The following PALLD variants were observed in gnomAD, a reference collection of about 807,000 sequenced individuals.
PALLD encodes palladin, cytoskeletal associated protein, also known as palladin.
Under a neutral mutation model 123.5 loss-of-function variants are expected in PALLD, and 61 were observed. The observed-to-expected ratio is 0.49, with a 90% CI of 0.40 to 0.61. The LOEUF (loss-of-function observed/expected upper bound fraction) is 0.61, where lower values mean the gene tolerates loss of function less well. PALLD is among the 20% of genes least tolerant of loss of function. The pLI is 0.00. For missense variants in PALLD, 1,273 were observed against 1,377.0 expected, an observed-to-expected ratio of 0.92 and a Z score of 1.20; for synonymous variants, 465 against 496.4, an observed-to-expected ratio of 0.94 and a Z score of 0.84.
chr4:168,880,918 C>CT (rs1752522846), intron 10 of PALLD, among the ~76,000 whole-genome samples: 1 of 151,852 alleles, frequency 6.6e-6, no homozygotes, highest in South Asian at 2.1e-4. Context: ...CTTTTCTTTT[C>CT]TTTTTTTCTG....
chr4:168,606,591 T>G (rs1773196801), intron 2 of PALLD, among the ~76,000 whole-genome samples: 3 of 150,534 alleles, frequency 2.0e-5, no homozygotes, highest in Non-Finnish European at 4.4e-5. Flanking sequence ...GGAGAATGGC[T>G]TGAACCTGGG....
chr4:168,670,016 A>T (rs6851666), intron 3 of PALLD, among the ~76,000 whole-genome samples: 7,032 of 152,250 alleles, frequency 0.046, 178 homozygotes, highest in East Asian at 0.066. Context: ...ATGAAAAATG[A>T]ATGATAAAAA....
chr4:168,772,971 G>A, intron 10 of PALLD, among the ~76,000 whole-genome samples: 1 of 152,162 alleles, frequency 6.6e-6, no homozygotes, highest in East Asian at 1.9e-4. Flanking sequence ...TCACTGGCTG[G>A]ACGTTTAATG....
intron 10 of PALLD, among the ~76,000 whole-genome samples, chr4:168,810,393 G>A (rs1449238183): frequency 1.3e-5 from 2 of 152,166 alleles, no homozygotes; most frequent in Non-Finnish European, 2.9e-5. Flanking sequence ...GGTGGCTCAT[G>A]CCTGTAATCC....
chr4:168,675,619 T>C (rs983118381), intron 3 of PALLD, among the ~76,000 whole-genome samples: 6 of 152,238 alleles, frequency 3.9e-5, no homozygotes, highest in Non-Finnish European at 7.3e-5. Context: ...TTTCTTCATC[T>C]GGAGAAAATC....
At chr4:168,586,328 C>G (rs921100748) in intron 2 of PALLD, among the ~76,000 whole-genome samples, 6 of 152,126 alleles carry the variant, frequency 3.9e-5, no homozygotes, top group Non-Finnish European at 8.8e-5. Flanking sequence ...CAACTCCCTT[C>G]TTAAGAATAT....
intron 10 of PALLD, among the ~76,000 whole-genome samples, chr4:168,794,265 G>T (rs980951036): frequency 5.9e-5 from 9 of 152,114 alleles, no homozygotes; most frequent in African/African-American, 2.2e-4. Context: ...CTGTCCTCGG[G>T]CAGTGAGAGT....
At chr4:168,887,481 A>G (rs1233805421) in intron 10 of PALLD, among the ~76,000 whole-genome samples, 16 of 152,208 alleles carry the variant, frequency 1.1e-4, no homozygotes, top group Admixed American at 1.0e-3. Flanking sequence ...CTGAGAACAC[A>G]GCTCTTAGTG....
chr4:168,869,003 C>T lies in PALLD; in HGVS notation c.1965-21919C>T, dbSNP rs1335538860. ...GGAAAATGGGCACTGGTACAGGCTG[C>T]CACTGCCTGGAACATGATGGAGCGC... On this transcript the variant is annotated intron_variant, in intron 10 of 21. Coordinates refer to ENST00000505667, the MANE Select transcript of PALLD (RefSeq NM_001166108.2). The surrounding 1 kb of genome is among the most constrained non-coding windows in gnomAD (Gnocchi z 4.5). 6.6e-6 allele frequency among the ~76,000 whole-genome samples: 1 copy of T among 152,130 alleles called. No homozygotes were observed. Among genetic ancestry groups the T allele is most frequent in the African/African-American group, 2.4e-5 (1 of 41,430 alleles).
At chr4:168,600,030 C>CGCACAT (rs1554048295) in intron 2 of PALLD, among the ~76,000 whole-genome samples, 2 of 144,824 alleles carry the variant, frequency 1.4e-5, no homozygotes, top group Admixed American at 6.8e-5. Context: ...TGTACACACA[C>CGCACAT]ATACATACAT....
intron 10 of PALLD, among the ~76,000 whole-genome samples, chr4:168,812,400 C>T (rs1446462308): frequency 3.3e-5 from 5 of 152,160 alleles, no homozygotes; most frequent in Non-Finnish European, 7.4e-5. Context: ...AAACATCTCC[C>T]TTGGGCCTCT....
chr4:168,633,548 A>T (rs994826248), intron 2 of PALLD, among the ~76,000 whole-genome samples: 1 of 152,118 alleles, frequency 6.6e-6, no homozygotes, highest in African/African-American at 2.4e-5. Flanking sequence ...CAGTGTTTAC[A>T]TTTGTTGTTT....
intron 2 of PALLD, among the ~76,000 whole-genome samples, chr4:168,632,818 AG>A (rs1775967006): frequency 2.0e-5 from 3 of 152,340 alleles, no homozygotes; most frequent in African/African-American, 7.2e-5. Context: ...TGACTTTTAC[AG>A]AGAGAGTTCC....
chr4:168,808,550 C>T (rs1740580458), intron 10 of PALLD, among the ~76,000 whole-genome samples: 1 of 152,114 alleles, frequency 6.6e-6, no homozygotes, highest in Non-Finnish European at 1.5e-5. Flanking sequence ...GGAAGCACAT[C>T]CAGAGAAGCT....
intron 10 of PALLD, among the ~76,000 whole-genome samples, chr4:168,874,704 G>A (rs1406589540): frequency 1.3e-5 from 2 of 151,812 alleles, no homozygotes; most frequent in African/African-American, 2.4e-5. Flanking sequence ...TTACATGCCT[G>A]AAGTAGTGTA....
At chr4:168,640,829 C>T (rs992369705) in intron 2 of PALLD, among the ~76,000 whole-genome samples, 6 of 152,190 alleles carry the variant, frequency 3.9e-5, no homozygotes, top group African/African-American at 1.4e-4. Flanking sequence ...CTTTAAATTC[C>T]TTGAACTTTC....
chr4:168,702,494 C>T (rs1783771023), intron 8 of PALLD, among the ~76,000 whole-genome samples: 1 of 152,138 alleles, frequency 6.6e-6, no homozygotes, highest in South Asian at 2.1e-4. Context: ...GCGGAGGTTG[C>T]AGTGAGCCAA....
At chr4:168,912,548 G>A (rs936252974) in intron 15 of PALLD, among the ~76,000 whole-genome samples, 5 of 152,178 alleles carry the variant, frequency 3.3e-5, no homozygotes, top group Admixed American at 1.3e-4. Context: ...AGTATTACTT[G>A]TCTGTTCACA....
At chr4:168,529,441 G>A (rs1481313306) in intron 2 of PALLD, among the ~76,000 whole-genome samples, 1 of 152,150 alleles carries the variant, frequency 6.6e-6, no homozygotes, top group African/African-American at 2.4e-5. Flanking sequence ...GCCAGGCGAA[G>A]GGGGAGAGTG....
Sources: allele counts gnomAD v4.1 joint callset (sites outside exome capture counted in the v4.1 genomes callset), GRCh38; gene constraint gnomAD v4.1.1; non-coding constraint Gnocchi (gnomAD v3.1); transcripts MANE v1.5; gene names NCBI Gene and HGNC (gene_info 2026-07-23, HGNC 2026-07-21).